The following SOX5 variants were observed in gnomAD, a reference collection of about 807,000 sequenced individuals.
SOX5 encodes transcription factor SOX-5.
Under a neutral mutation model 92.0 loss-of-function variants are expected in SOX5, and 9 were observed. That is an observed-to-expected ratio of 0.10 (90% CI 0.06 to 0.17). The LOEUF (loss-of-function observed/expected upper bound fraction) is 0.17, where lower values mean the gene tolerates loss of function less well. SOX5 is among the 10% of genes least tolerant of loss of function. The pLI is 1.00. For missense variants in SOX5, 642 were observed against 944.5 expected, an observed-to-expected ratio of 0.68 and a Z score of 4.20; for synonymous variants, 344 against 336.3, an observed-to-expected ratio of 1.02 and a Z score of -0.25.
At chr12:24,170,930 C>A (rs369422526) in intron 4 of SOX5, among the ~76,000 whole-genome samples, 5 of 152,166 alleles carry the variant, frequency 3.3e-5, no homozygotes, top group Admixed American at 3.3e-4. Flanking sequence ...CTTCCCCAAA[C>A]CACCATTACT....
At chr12:23,849,386 T>G (rs573151044) in intron 2 of SOX5, among the ~76,000 whole-genome samples, 32 of 152,334 alleles carry the variant, frequency 2.1e-4, no homozygotes, top group African/African-American at 7.2e-4. Flanking sequence ...TTACATGTAT[T>G]AACTCAATCT....
At position 23,841,354 on chromosome 12, in the gene SOX5, T is replaced by C. The variant is rs534779473; in HGVS notation, c.481+4629A>G. ...AATAGAAACTTACATTCATTCCTGG[T>C]GGGAATGCAAAATCTGATAGCCACT... On this transcript the variant is annotated intron_variant, in intron 3 of 14. Coordinates refer to ENST00000451604, the MANE Select transcript of SOX5 (RefSeq NM_006940.6). 3.3e-5 allele frequency among the ~76,000 whole-genome samples: 5 copies of C among 152,236 alleles called. No individual in the cohort carries two copies. In the East Asian group the frequency reaches 7.7e-4, roughly 23 times the overall value.
rs1939637912 is a variant in SOX5 at position 23,533,985 on chromosome 12, A to G, written c.*234T>C. ...CTGAATTACTGGCATTATTTTACCC[A>G]TAGCTTATTTCAATCTCTTGTTGTT... On this transcript the variant is annotated 3_prime_UTR_variant, in exon 15 of 15. Transcript: ENST00000451604. 1 of 433,878 alleles carries G rather than the reference A, an allele frequency of 2.3e-6. No homozygotes were observed. The highest frequency in any genetic ancestry group is 4.1e-6 in the Non-Finnish European group (1 of 241,400). 26.9% of individuals were successfully genotyped at this position (433,878 alleles called of 1,614,324 possible). A position where few individuals can be genotyped will look rare whatever the true frequency, so the allele number is the denominator to read the frequency against.
chr12:24,504,640 T>C (rs996750944), intron 1 of SOX5, among the ~76,000 whole-genome samples: 3 of 152,216 alleles, frequency 2.0e-5, no homozygotes, highest in Non-Finnish European at 2.9e-5. Context: ...TAGAGAACTA[T>C]ATAAATAAAT....
At chr12:23,800,546 C>A (rs1268889495) in intron 3 of SOX5, among the ~76,000 whole-genome samples, 5 of 151,346 alleles carry the variant, frequency 3.3e-5, no homozygotes, top group Admixed American at 2.6e-4. Flanking sequence ...AGGTATCACT[C>A]TTTAAAATTT....
At chr12:23,538,746 T>A (rs75018603) in intron 13 of SOX5, among the ~76,000 whole-genome samples, 3,083 of 151,282 alleles carry the variant, frequency 0.02, 136 homozygotes, top group African/African-American at 0.07. Context: ...TGATCTAATA[T>A]AAAATTTATT....
rs74071390 is a variant in SOX5 at position 23,640,724 on chromosome 12, G to A, written c.1017+88C>T. 4.6e-3 allele frequency: 3,930 copies of A among 859,040 alleles called. 108 individuals are homozygous for A. The African/African-American group carries it at 0.058, about 13-fold the overall frequency. 53.2% of individuals were successfully genotyped at this position (859,040 alleles called of 1,614,324 possible). The stretch of plus-strand genomic sequence containing the variant: ...ACAGAAAGTGTGAGACGAATATCAC[G>A]AGTCAGTTTTATTTTGCTTTAACAC... On this transcript the variant is annotated intron_variant, in intron 8 of 14. Coordinates refer to ENST00000451604, the MANE Select transcript of SOX5 (RefSeq NM_006940.6).
chr12:23,940,410 C>T (rs1406731579), intron 1 of SOX5, among the ~76,000 whole-genome samples: 2 of 151,108 alleles, frequency 1.3e-5, no homozygotes, highest in African/African-American at 4.8e-5. Flanking sequence ...TAAAGGCTGG[C>T]TATAGAGATA....
intron 1 of SOX5, among the ~76,000 whole-genome samples, chr12:24,521,564 A>C (rs1204758610): frequency 6.6e-6 from 1 of 152,208 alleles, no homozygotes; most frequent in Non-Finnish European, 1.5e-5. Flanking sequence ...AGGTCACAAA[A>C]CAAGTTCTTG....
intron 1 of SOX5, among the ~76,000 whole-genome samples, chr12:24,530,183 T>C (rs866673547): frequency 2.6e-5 from 4 of 152,352 alleles, no homozygotes; most frequent in Middle Eastern, 3.4e-3. Context: ...AACTAACGTC[T>C]ATTTGAATGT....
At chr12:24,208,906 G>A (rs1447968409) in intron 4 of SOX5, among the ~76,000 whole-genome samples, 3 of 152,138 alleles carry the variant, frequency 2.0e-5, no homozygotes, top group Admixed American at 2.0e-4. Flanking sequence ...ATACCTTTTG[G>A]ATTTAGCATG....
intron 2 of SOX5, among the ~76,000 whole-genome samples, chr12:23,883,404 C>A (rs2097022478): frequency 6.6e-6 from 1 of 151,960 alleles, no homozygotes; most frequent in Non-Finnish European, 1.5e-5. Context: ...TAGAAACCTA[C>A]AAGAAAATAC....
chr12:23,596,390 C>G (rs528875553), intron 9 of SOX5, among the ~76,000 whole-genome samples: 1 of 152,114 alleles, frequency 6.6e-6, no homozygotes, highest in South Asian at 2.1e-4. Flanking sequence ...ATTTTACAAA[C>G]AAATTTATAC....
chr12:24,152,665 T>C (rs1011836009), intron 4 of SOX5, among the ~76,000 whole-genome samples: 51 of 152,270 alleles, frequency 3.3e-4, no homozygotes, highest in African/African-American at 1.2e-3. Flanking sequence ...GTTGTTACCA[T>C]AGTTGTTCTG....
rs563248259 is a variant in SOX5, at chr12:24,486,767, C to A, written c.-251+75562G>T. Among the ~76,000 whole-genome samples, 6 of 152,306 alleles carry A rather than the reference C, an allele frequency of 3.9e-5. No homozygotes were observed. The South Asian group carries it at 1.2e-3, about 32-fold the overall frequency. ...AACATCATTCTAGTTTCAGGCACAGCCTAAGCAATGTTACCAACACCACAA... is the reference window on the plus strand; with the variant it reads ...AACATCATTCTAGTTTCAGGCACAGACTAAGCAATGTTACCAACACCACAA... On this transcript the variant is annotated intron_variant, in intron 1 of 4. Coordinates refer to the SOX5 transcript ENST00000446891.
At chr12:24,374,418 T>C (rs1957039943) in intron 1 of SOX5, among the ~76,000 whole-genome samples, 1 of 152,072 alleles carries the variant, frequency 6.6e-6, no homozygotes, top group Non-Finnish European at 1.5e-5. Context: ...GAGTTAAAGT[T>C]GGTTATTTAT....
Position 24,490,584 on chromosome 12 carries a change from T to C in SOX5, c.-251+71745A>G, listed in dbSNP as rs1387821234. ...ATTTTTTTCCACTTACACAGGAAAATTCAGGAAAAAAAAAATGGTTACATG... is the reference window on the plus strand; with the variant it reads ...ATTTTTTTCCACTTACACAGGAAAACTCAGGAAAAAAAAAATGGTTACATG... On this transcript the variant is annotated intron_variant, in intron 1 of 4. Transcript: ENST00000446891. Among the ~76,000 whole-genome samples, 3 of 151,802 alleles carry C rather than the reference T, an allele frequency of 2.0e-5. No individual in the cohort carries two copies. The East Asian group carries it at 5.8e-4, about 29-fold the overall frequency.
At chr12:24,332,899 T>C (rs1951487081) in intron 2 of SOX5, among the ~76,000 whole-genome samples, 1 of 152,100 alleles carries the variant, frequency 6.6e-6, no homozygotes, top group Non-Finnish European at 1.5e-5. Context: ...TAAACTGTGA[T>C]AATATAGAAG....
intron 2 of SOX5, among the ~76,000 whole-genome samples, chr12:24,315,076 A>G (rs1949573353): frequency 6.6e-6 from 1 of 152,250 alleles, no homozygotes. Context: ...TCTTAACATA[A>G]AGAAACTTCC....
Sources: gnomAD v4.1 joint callset for allele counts (sites outside exome capture counted in the v4.1 genomes callset) on GRCh38, gnomAD v4.1.1 for gene constraint, MANE v1.5 for transcripts, NCBI Gene and HGNC (gene_info 2026-07-23, HGNC 2026-07-21) for gene names.